MBOAT1: variants seen among roughly 807,000 people sequenced by gnomAD.
MBOAT1 encodes membrane-bound glycerophospholipid O-acyltransferase 1.
A neutral mutation model predicts 64.4 loss-of-function variants in MBOAT1; 67 were observed. The observed-to-expected ratio is 1.04, with a 90% CI of 0.85 to 1.27. The LOEUF (loss-of-function observed/expected upper bound fraction) is 1.27. Among genes scored for constraint, MBOAT1 ranks in the 50% most tolerant of loss-of-function variants. The probability of loss-of-function intolerance (pLI) is 0.00; values close to 1 mark genes in which losing one functional copy is unlikely to be tolerated. For synonymous variants in MBOAT1, 229 were observed against 218.9 expected (o/e 1.05, Z -0.41); for missense variants, 563 against 604.6 (o/e 0.93, Z 0.72).
chr6:20,144,212 A>G lies in MBOAT1; in HGVS notation c.419+8T>C. On this transcript the variant is annotated splice_region_variant and intron_variant, in intron 4 of 12. Coordinates refer to ENST00000324607, the MANE Select transcript of MBOAT1 (RefSeq NM_001080480.3). ...GTAAAACCCCTCTCTCTAATGTAAG[A>G]TACTTACCCAGAAAAATCCGTAGTG... 1.3e-6 allele frequency: 2 copies of G among 1,590,024 alleles called. No homozygotes were observed. Among genetic ancestry groups the G allele is most frequent in the Non-Finnish European group, 1.7e-6 (2 of 1,159,192 alleles).
intron 10 of MBOAT1, among the ~76,000 whole-genome samples, chr6:20,114,792 G>A (rs1452088342): frequency 6.6e-6 from 1 of 151,692 alleles, no homozygotes; most frequent in Non-Finnish European, 1.5e-5. Flanking sequence ...GCTGAGGCAG[G>A]AGAATTGCTT....
intron 1 of MBOAT1, among the ~76,000 whole-genome samples, chr6:20,171,600 A>G (rs1325265160): frequency 6.6e-6 from 1 of 152,172 alleles, no homozygotes; most frequent in Non-Finnish European, 1.5e-5. Context: ...ATGTACGTCT[A>G]TTGGAAATGA....
chr6:20,178,996 G>C (rs1762432586), intron 1 of MBOAT1, among the ~76,000 whole-genome samples: 1 of 151,496 alleles, frequency 6.6e-6, no homozygotes, highest in African/African-American at 2.4e-5. Flanking sequence ...TTGTTACATA[G>C]GCAAACGTGT....
intron 1 of MBOAT1, among the ~76,000 whole-genome samples, chr6:20,209,535 A>C (rs184906653): frequency 1.3e-5 from 2 of 152,240 alleles, no homozygotes; most frequent in Admixed American, 1.3e-4. Context: ...ACTACTTGAC[A>C]CAGGATCCAG....
At chr6:20,204,065 T>C (rs1763192260) in intron 1 of MBOAT1, among the ~76,000 whole-genome samples, 1 of 152,230 alleles carries the variant, frequency 6.6e-6, no homozygotes, top group African/African-American at 2.4e-5. Context: ...ATTCAATTTG[T>C]TAACATTTTC....
Position 20,162,392 on chromosome 6 carries a change from TACAG to T in MBOAT1, c.100-9627_100-9624del, listed in dbSNP as rs575391961. On this transcript the variant is annotated intron_variant, in intron 1 of 12. Transcript: ENST00000324607. ...ATCTGCCTGGAGGTGCCTCAGCCAC[TACAG>T]ACAGCACCAGAGAGGGTTCTCCCAG... Among the ~76,000 whole-genome samples, 5 of 152,288 alleles carry T rather than the reference TACAG, an allele frequency of 3.3e-5. No homozygotes were observed. The South Asian group carries it at 1.0e-3, about 32-fold the overall frequency.
chr6:20,105,220 T>C (rs1423149908), intron 12 of MBOAT1, among the ~76,000 whole-genome samples: 1 of 152,246 alleles, frequency 6.6e-6, no homozygotes, highest in Non-Finnish European at 1.5e-5. Flanking sequence ...AAATCTACAC[T>C]GGAACAATTA....
chr6:20,186,699 G>A (rs1762664741), intron 1 of MBOAT1, among the ~76,000 whole-genome samples: 1 of 152,210 alleles, frequency 6.6e-6, no homozygotes, highest in Non-Finnish European at 1.5e-5. Flanking sequence ...AATGCAAAGA[G>A]CTAAAAACTG....
intron 4 of MBOAT1, among the ~76,000 whole-genome samples, chr6:20,132,322 A>C (rs1472823864): frequency 6.6e-6 from 1 of 152,194 alleles, no homozygotes; most frequent in East Asian, 1.9e-4. Flanking sequence ...AAAATGCTCT[A>C]CTATGCTTTG....
At chr6:20,208,662 T>C (rs1763333018) in intron 1 of MBOAT1, among the ~76,000 whole-genome samples, 1 of 152,052 alleles carries the variant, frequency 6.6e-6, no homozygotes. Flanking sequence ...TATTTTCCCC[T>C]TGCCCCTTTT....
chr6:20,117,162 A>G (rs1198430465), intron 9 of MBOAT1, among the ~76,000 whole-genome samples: 1 of 152,168 alleles, frequency 6.6e-6, no homozygotes, highest in Non-Finnish European at 1.5e-5. Flanking sequence ...TTATTTGTTC[A>G]TTCAGAACTG....
intron 1 of MBOAT1, among the ~76,000 whole-genome samples, chr6:20,159,062 C>G (rs1485513286): frequency 6.6e-6 from 1 of 152,160 alleles, no homozygotes; most frequent in Non-Finnish European, 1.5e-5. Flanking sequence ...AGCAATCACA[C>G]TTTTGGGTAT....
chr6:20,174,898 C>T (rs576231202), intron 1 of MBOAT1, among the ~76,000 whole-genome samples: 5 of 152,070 alleles, frequency 3.3e-5, no homozygotes, highest in Non-Finnish European at 7.4e-5. Flanking sequence ...TCTTAAAGTT[C>T]TTTGTTATTT....
At chr6:20,138,108 T>C (rs1761053920) in intron 4 of MBOAT1, among the ~76,000 whole-genome samples, 1 of 152,170 alleles carries the variant, frequency 6.6e-6, no homozygotes, top group African/African-American at 2.4e-5. Flanking sequence ...TCTCCATGGA[T>C]GTTAACTGAC....
chr6:20,205,390 C>G (rs533655503), intron 1 of MBOAT1, among the ~76,000 whole-genome samples: 4 of 152,132 alleles, frequency 2.6e-5, no homozygotes, highest in Non-Finnish European at 5.9e-5. Context: ...TAAACTGAGG[C>G]CAAGCTGTGA....
In MBOAT1 at chr6:20,198,413, G is replaced by T. The variant is rs1387773177; in HGVS notation, c.99+13723C>A. 2.0e-5 allele frequency among the ~76,000 whole-genome samples: 3 copies of T among 152,266 alleles called. No individual in the cohort carries two copies. In the East Asian group the frequency reaches 5.8e-4, roughly 29 times the overall value. On this transcript the variant is annotated intron_variant, in intron 1 of 12. Coordinates refer to ENST00000324607, the MANE Select transcript of MBOAT1 (RefSeq NM_001080480.3). ...CATTGCAAAATAACATAACAAAGGT[G>T]CTCTCTAAAGACCATCAAGTACAAG...
chr6:20,182,368 T>G (rs1195243043), intron 1 of MBOAT1, among the ~76,000 whole-genome samples: 1 of 152,132 alleles, frequency 6.6e-6, no homozygotes, highest in Non-Finnish European at 1.5e-5. Context: ...AAGGCCCACC[T>G]CTTAATATTA....
intron 1 of MBOAT1, among the ~76,000 whole-genome samples, chr6:20,191,002 C>T (rs538168021): frequency 3.9e-5 from 6 of 152,182 alleles, no homozygotes; most frequent in African/African-American, 1.2e-4. Flanking sequence ...CTGCTAAGGA[C>T]ACAGAATAAT....
At chr6:20,184,089 G>A (rs1368163612) in intron 1 of MBOAT1, among the ~76,000 whole-genome samples, 2 of 152,212 alleles carry the variant, frequency 1.3e-5, no homozygotes. Context: ...TTGAGATTTG[G>A]TGGGGACACA....
Sources: allele counts gnomAD v4.1 joint callset (sites outside exome capture counted in the v4.1 genomes callset), GRCh38; gene constraint gnomAD v4.1.1; transcripts MANE v1.5; gene names NCBI Gene and HGNC (gene_info 2026-07-23, HGNC 2026-07-21).